EGFL8: variants seen among roughly 807,000 people sequenced by gnomAD.
EGFL8 encodes the protein epidermal growth factor-like protein 8.
Under a neutral mutation model 39.4 loss-of-function variants are expected in EGFL8, and 32 were observed. The ratio of observed to expected loss-of-function variants is 0.81; its 90% CI spans 0.61 to 1.09. The LOEUF is 1.09. EGFL8 is among the 50% of genes least tolerant of loss of function. The probability of loss-of-function intolerance (pLI) is 0.00; values close to 1 mark genes in which losing one functional copy is unlikely to be tolerated. For missense variants in EGFL8, 385 were observed against 402.2 expected (o/e 0.96, Z 0.37); for synonymous variants, 177 against 168.5 (o/e 1.05, Z -0.39).
Position 32,166,078 on chromosome 6 carries a change from A to T in EGFL8, c.-28-60A>T. On this transcript the variant is annotated intron_variant, in intron 1 of 8. Transcript: ENST00000333845. This position sits in a 1 kb window ranked among gnomAD's most constrained non-coding sequence, Gnocchi z 7.3. Reference sequence around the variant, plus strand: ...CCTGCAGAGTGCCCTTGGAGGGACTAGTGCTGGAGAAATTAATAGGAGAGG... The same window carrying T: ...CCTGCAGAGTGCCCTTGGAGGGACTTGTGCTGGAGAAATTAATAGGAGAGG... The T allele has an allele frequency of 7.6e-7, 1 of 1,319,062 alleles. No homozygotes were observed. Among genetic ancestry groups the T allele is most frequent in the Non-Finnish European group, 1.1e-6 (1 of 917,504 alleles). The allele number at this position is 1,319,062 out of a possible 1,614,324, so 81.7% of individuals were successfully genotyped here. A position where few individuals can be genotyped will look rare whatever the true frequency, so the allele number is the denominator to read the frequency against.
chr6:32,166,552 C>T lies in EGFL8; in HGVS notation c.156C>T (p.Ser52=), dbSNP rs1784502529. 1 of 1,614,118 alleles carries T rather than the reference C, an allele frequency of 6.2e-7. No individual in the cohort carries two copies. The highest frequency in any genetic ancestry group is 8.5e-7 in the Non-Finnish European group (1 of 1,180,034). ...TGGTCCCGCTCCACTACAACGAGTC[C>T]TACAGCCAACCAGTGTACAAGCCCT... is the stretch of plus-strand genomic sequence containing the variant. ...TLVVPLHYNE[S]YSQPVYKPYL... Residue 52 remains serine (S), a synonymous_variant, in exon 3 of 9, where the codon TCC becomes TCT. Coordinates refer to ENST00000333845, the MANE Select transcript of EGFL8 (RefSeq NM_030652.4). The surrounding 1 kb of genome is among the most constrained non-coding windows in gnomAD (Gnocchi z 7.3).
Position 32,166,721 on chromosome 6 carries a change from G to C in EGFL8, c.245G>C (p.Trp82Ser). 1 of 1,600,356 alleles carries C rather than the reference G, an allele frequency of 6.2e-7. No individual in the cohort carries two copies. Among genetic ancestry groups the C allele is most frequent in the African/African-American group, 1.3e-5 (1 of 74,748 alleles). ...TCCAGGACCATGTACCGCGTTATGT[G>C]GCGGGAGGTGAGGCGGGAGGTTCAG... ...STYRTMYRVM[W>S]REVRREVQQT... The change falls in exon 4 of 9, where the codon TGG becomes TCG. Residue 82 changes from tryptophan (W) to serine (S), a missense_variant. Trp to Ser is a radical substitution (Grantham distance 177). Coordinates refer to ENST00000333845, the MANE Select transcript of EGFL8 (RefSeq NM_030652.4). The surrounding 1 kb of genome is among the most constrained non-coding windows in gnomAD (Gnocchi z 7.3).
rs1384163900 is a variant in EGFL8 at position 32,167,193 on chromosome 6, C to T, written c.537C>T (p.Asp179=). The T allele has an allele frequency of 4.3e-6, 7 of 1,612,884 alleles. No homozygotes were observed. The East Asian group carries it at 8.9e-5, about 21-fold the overall frequency. The part of the protein sequence containing the change: ...GCPHDLVLGV[D]GRTCMEGSPE... Reference sequence around the variant, plus strand: ...CCCATGACCTAGTGCTAGGCGTGGACGGGCGCACCTGCATGGAGGGGTCCC... The same window carrying T: ...CCCATGACCTAGTGCTAGGCGTGGATGGGCGCACCTGCATGGAGGGGTCCC... The change falls in exon 6 of 9, where the codon GAC becomes GAT. Residue 179 remains aspartate, a synonymous_variant. Coordinates refer to ENST00000333845, the MANE Select transcript of EGFL8 (RefSeq NM_030652.4). This position sits in a 1 kb window ranked among gnomAD's most constrained non-coding sequence, Gnocchi z 6.4.
rs1382909455 is a variant in EGFL8, at chr6:32,167,198, G to A, written c.542G>A (p.Arg181His). The change falls in exon 6 of 9, where the codon CGC becomes CAC. Residue 181 changes from arginine (R) to histidine (H), a missense_variant. By Grantham distance (29) the Arg-to-His change is conservative. Coordinates refer to ENST00000333845, the MANE Select transcript of EGFL8 (RefSeq NM_030652.4). This position sits in a 1 kb window ranked among gnomAD's most constrained non-coding sequence, Gnocchi z 6.4. ...PHDLVLGVDG[R>H]TCMEGSPEPP... Reference sequence around the variant, plus strand: ...GACCTAGTGCTAGGCGTGGACGGGCGCACCTGCATGGAGGGGTCCCCAGAG... The same window carrying A: ...GACCTAGTGCTAGGCGTGGACGGGCACACCTGCATGGAGGGGTCCCCAGAG... 15 of 1,612,832 alleles carry A rather than the reference G, an allele frequency of 9.3e-6. No homozygotes were observed. Among genetic ancestry groups the A allele is most frequent in the East Asian group, 4.5e-5 (2 of 44,894 alleles).
chr6:32,167,689 T>C lies in EGFL8; in HGVS notation c.835+33T>C. ...CTCACACTCCTCCCGCCTTGACTTCTATTCCCCAACTTTCCCCAAGACCCC... is the reference window on the plus strand; with the variant it reads ...CTCACACTCCTCCCGCCTTGACTTCCATTCCCCAACTTTCCCCAAGACCCC... On this transcript the variant is annotated intron_variant, in intron 8 of 8. Transcript: ENST00000333845. The surrounding 1 kb of genome is among the most constrained non-coding windows in gnomAD (Gnocchi z 6.4). 6.3e-7 allele frequency: 1 copy of C among 1,579,090 alleles called. No individual in the cohort carries two copies. Among genetic ancestry groups the C allele is most frequent in the Non-Finnish European group, 8.6e-7 (1 of 1,161,330 alleles).
In EGFL8 at chr6:32,166,364, G is replaced by A. The variant is rs1561832659; in HGVS notation, c.101+98G>A. The A allele has an allele frequency of 6.3e-7, 1 of 1,591,338 alleles. No individual in the cohort carries two copies. The highest frequency in any genetic ancestry group is 1.3e-5 in the African/African-American group (1 of 74,490). On this transcript the variant is annotated intron_variant, in intron 2 of 8. Coordinates refer to ENST00000333845, the MANE Select transcript of EGFL8 (RefSeq NM_030652.4). The surrounding 1 kb of genome is among the most constrained non-coding windows in gnomAD (Gnocchi z 7.3). Reference sequence around the variant, plus strand: ...GAGGCAAAACATAACTGTAAGTTTAGAATGGGGGTGAGAGGCTGTCATCTG... The same window carrying A: ...GAGGCAAAACATAACTGTAAGTTTAAAATGGGGGTGAGAGGCTGTCATCTG...
chr6:32,166,301 CTT>C lies in EGFL8; in HGVS notation c.101+36_101+37del. The C allele has an allele frequency of 1.2e-6, 2 of 1,610,020 alleles. No homozygotes were observed. Among genetic ancestry groups the C allele is most frequent in the East Asian group, 4.5e-5 (2 of 44,820 alleles). ...GAGGGGGTAGGGCCCGGGGTGAGCT[CTT>C]CTCAGGAGCCTTCTGCTGGGGGTGG... On this transcript the variant is annotated intron_variant, in intron 2 of 8. Coordinates refer to ENST00000333845, the MANE Select transcript of EGFL8 (RefSeq NM_030652.4). This position sits in a 1 kb window ranked among gnomAD's most constrained non-coding sequence, Gnocchi z 7.3.
In EGFL8 at chr6:32,167,906, C is replaced by G. The variant is rs1425647919; in HGVS notation, c.836-4C>G. 6.2e-7 allele frequency: 1 copy of G among 1,614,190 alleles called. No homozygotes were observed. The highest frequency in any genetic ancestry group is 2.2e-5 in the East Asian group (1 of 44,888). On this transcript the variant is annotated splice_polypyrimidine_tract_variant and splice_region_variant and intron_variant, in intron 8 of 8. Transcript: ENST00000333845. The surrounding 1 kb of genome is among the most constrained non-coding windows in gnomAD (Gnocchi z 6.4). ...GCCACTGTGTCTGCCATGTCATTAACCAGGCTCCTGTGAGGACAACAGCCT... is the reference window on the plus strand; with the variant it reads ...GCCACTGTGTCTGCCATGTCATTAAGCAGGCTCCTGTGAGGACAACAGCCT...
At position 32,167,775 on chromosome 6, in the gene EGFL8, C is replaced by T. The variant is rs1784673874; in HGVS notation, c.835+119C>T. On this transcript the variant is annotated intron_variant, in intron 8 of 8. Transcript: ENST00000333845. This position sits in a 1 kb window ranked among gnomAD's most constrained non-coding sequence, Gnocchi z 6.4. ...CTCTCCAACATTCACTATCCTCATG[C>T]CTCTCCACTTTACCATCGTTCTCTT... The T allele has an allele frequency of 6.6e-7, 1 of 1,520,118 alleles. No homozygotes were observed. The highest frequency in any genetic ancestry group is 1.4e-5 in the African/African-American group (1 of 72,864). The allele number at this position is 1,520,118 out of a possible 1,614,324, so 94.2% of individuals were successfully genotyped here. A position where few individuals can be genotyped will look rare whatever the true frequency, so the allele number is the denominator to read the frequency against.
rs1451079065 is a variant in EGFL8, at chr6:32,167,445, T to TCCAGC, written c.681+16_681+17insCCAGC. 6.2e-7 allele frequency: 1 copy of TCCAGC among 1,612,542 alleles called. No individual in the cohort carries two copies. The highest frequency in any genetic ancestry group is 8.5e-7 in the Non-Finnish European group (1 of 1,180,030). ...GCTGGAGCAGGTGAGCCAAGCCTGC[T>TCCAGC]GGGTGGGGCGAGGCCAGACGTCACT... is the stretch of plus-strand genomic sequence containing the variant. On this transcript the variant is annotated intron_variant, in intron 7 of 8. Transcript: ENST00000333845. The surrounding 1 kb of genome is among the most constrained non-coding windows in gnomAD (Gnocchi z 6.4).
Position 32,165,000 on chromosome 6 carries a change from C to T in EGFL8, c.-29+343C>T, listed in dbSNP as rs1784385151. Among the ~76,000 whole-genome samples, 1 of 151,954 alleles carries T rather than the reference C, an allele frequency of 6.6e-6. No homozygotes were observed. Among genetic ancestry groups the T allele is most frequent in the African/African-American group, 2.4e-5 (1 of 41,360 alleles). On this transcript the variant is annotated intron_variant, in intron 1 of 8. Transcript: ENST00000333845. The surrounding 1 kb of genome is among the most constrained non-coding windows in gnomAD (Gnocchi z 5.4). ...GATCTTGGTTCACTGCAACCTCTGC[C>T]TCCAGGGTTCAAGGGATTCTCCTGC...
At position 32,166,826 on chromosome 6, in the gene EGFL8, C is replaced by A; in HGVS notation, c.334+16C>A. On this transcript the variant is annotated intron_variant, in intron 4 of 8. Transcript: ENST00000333845. The surrounding 1 kb of genome is among the most constrained non-coding windows in gnomAD (Gnocchi z 7.3). Reference sequence around the variant, plus strand: ...ACCTGTGAAGGTGAGGCTGGGTCTTCCGGGCCTTGCGGGAGGCGCGCCCCA... The same window carrying A: ...ACCTGTGAAGGTGAGGCTGGGTCTTACGGGCCTTGCGGGAGGCGCGCCCCA... 1 of 1,573,426 alleles carries A rather than the reference C, an allele frequency of 6.4e-7. No homozygotes were observed. The highest frequency in any genetic ancestry group is 8.6e-7 in the Non-Finnish European group (1 of 1,158,724).
chr6:32,164,695 G>T lies in EGFL8; in HGVS notation c.-29+38G>T. On this transcript the variant is annotated intron_variant, in intron 1 of 8. Coordinates refer to ENST00000333845, the MANE Select transcript of EGFL8 (RefSeq NM_030652.4). This position sits in a 1 kb window ranked among gnomAD's most constrained non-coding sequence, Gnocchi z 5.4. ...AGAGAGAGGAAGGCAAGTGGGGAGA[G>T]AATTTCAAATGGGGAAAGAGTGGGG... 4.2e-6 allele frequency: 3 copies of T among 713,758 alleles called. No individual in the cohort carries two copies. The highest frequency in any genetic ancestry group is 7.8e-6 in the Non-Finnish European group (3 of 383,372). 44.2% of individuals were successfully genotyped at this position (713,758 alleles called of 1,614,324 possible).
Position 32,167,236 on chromosome 6 carries a change from G to C in EGFL8, c.580G>C (p.Ala194Pro). 6.2e-7 allele frequency: 1 copy of C among 1,612,302 alleles called. No individual in the cohort carries two copies. Among genetic ancestry groups the C allele is most frequent in the Non-Finnish European group, 8.5e-7 (1 of 1,179,600 alleles). ...MEGSPEPPTS[A>P]SILSVAVREA... The stretch of plus-strand genomic sequence containing the variant: ...GGGGTCCCCAGAGCCCCCAACCAGT[G>C]CCAGCATACTCAGCGTGGCCGGTGA... The change falls in exon 6 of 9, where the codon GCC becomes CCC. Residue 194 changes from alanine (A) to proline (P), a missense_variant. Ala to Pro is a conservative substitution (Grantham distance 27). Transcript: ENST00000333845. The surrounding 1 kb of genome is among the most constrained non-coding windows in gnomAD (Gnocchi z 6.4).
At position 32,167,869 on chromosome 6, in the gene EGFL8, AG is replaced by A. The variant is rs1430208887; in HGVS notation, c.836-39del. 2 of 1,602,336 alleles carry A rather than the reference AG, an allele frequency of 1.2e-6. No individual in the cohort carries two copies. Among genetic ancestry groups the A allele is most frequent in the Non-Finnish European group, 1.7e-6 (2 of 1,169,370 alleles). ...TGAGAGTGGCAGTGTAGTCCACTCC[AG>A]GCTGACCACAGCCACTGTGTCTGCC... On this transcript the variant is annotated intron_variant, in intron 8 of 8. Coordinates refer to ENST00000333845, the MANE Select transcript of EGFL8 (RefSeq NM_030652.4). The surrounding 1 kb of genome is among the most constrained non-coding windows in gnomAD (Gnocchi z 6.4).
In EGFL8 at chr6:32,166,324, G is replaced by A; in HGVS notation, c.101+58G>A. On this transcript the variant is annotated intron_variant, in intron 2 of 8. Coordinates refer to ENST00000333845, the MANE Select transcript of EGFL8 (RefSeq NM_030652.4). This position sits in a 1 kb window ranked among gnomAD's most constrained non-coding sequence, Gnocchi z 7.3. The stretch of plus-strand genomic sequence containing the variant: ...CTCTTCTCAGGAGCCTTCTGCTGGG[G>A]GTGGGGCTTCACAGGAGGCAAAACA... The A allele has an allele frequency of 1.2e-6, 2 of 1,600,836 alleles. No individual in the cohort carries two copies. The highest frequency in any genetic ancestry group is 1.7e-6 in the Non-Finnish European group (2 of 1,169,314).
In EGFL8 at chr6:32,166,323, G is replaced by A; in HGVS notation, c.101+57G>A. The A allele has an allele frequency of 1.2e-6, 2 of 1,602,474 alleles. No individual in the cohort carries two copies. The highest frequency in any genetic ancestry group is 1.7e-6 in the Non-Finnish European group (2 of 1,170,812). On this transcript the variant is annotated intron_variant, in intron 2 of 8. Transcript: ENST00000333845. The surrounding 1 kb of genome is among the most constrained non-coding windows in gnomAD (Gnocchi z 7.3). ...GCTCTTCTCAGGAGCCTTCTGCTGG[G>A]GGTGGGGCTTCACAGGAGGCAAAAC...
rs1364722839 is a variant in EGFL8 at position 32,167,501 on chromosome 6, A to T, written c.682-2A>T. The T allele has an allele frequency of 6.2e-7, 1 of 1,608,414 alleles. No homozygotes were observed. Among genetic ancestry groups the T allele is most frequent in the Non-Finnish European group, 8.5e-7 (1 of 1,179,436 alleles). On this transcript the variant is annotated splice_acceptor_variant, in intron 7 of 8. Transcript: ENST00000333845. LOFTEE classifies it high-confidence loss of function. The surrounding 1 kb of genome is among the most constrained non-coding windows in gnomAD (Gnocchi z 6.4). The stretch of plus-strand genomic sequence containing the variant: ...TACCCTGAGGCATCTCTTCCTTTCT[A>T]GTGGGCCGGTCAGGCTGGGGCCTGG...
rs3134949 is a variant in EGFL8, at chr6:32,164,950, C to T, written c.-29+293C>T. 0.18 allele frequency among the ~76,000 whole-genome samples: 27,486 copies of T among 151,664 alleles called. 2,644 individuals are homozygous for T. The highest frequency in any genetic ancestry group is 0.21 in the Non-Finnish European group (14,376 of 67,888). On this transcript the variant is annotated intron_variant, in intron 1 of 8. Coordinates refer to ENST00000333845, the MANE Select transcript of EGFL8 (RefSeq NM_030652.4). The surrounding 1 kb of genome is among the most constrained non-coding windows in gnomAD (Gnocchi z 5.4). The stretch of plus-strand genomic sequence containing the variant: ...TTTTTGAGACGGAGTCTTGCTCTGT[C>T]GCCCAGGCTAGAGTGCAGTGGCATG...
Sources: gnomAD v4.1 joint callset for allele counts (sites outside exome capture counted in the v4.1 genomes callset) on GRCh38, gnomAD v4.1.1 for gene constraint, Gnocchi (gnomAD v3.1) non-coding constraint, MANE v1.5 for transcripts, NCBI Gene and HGNC (gene_info 2026-07-23, HGNC 2026-07-21) for gene names.